The following PYHIN1 variants were observed in gnomAD, a reference collection of about 807,000 sequenced individuals.
The protein encoded by PYHIN1 is pyrin and HIN domain family member 1.
PYHIN1 carries 32 observed loss-of-function variants against 43.7 expected under a neutral mutation model. The observed-to-expected ratio is 0.73, with a 90% CI of 0.55 to 0.98. The LOEUF (loss-of-function observed/expected upper bound fraction) is 0.98, where lower values mean the gene tolerates loss of function less well. Among genes scored for constraint, PYHIN1 ranks in the 50% least tolerant of loss-of-function variants. The pLI is 0.00. For missense variants in PYHIN1, 588 were observed against 589.5 expected (o/e 1.00, Z 0.03); for synonymous variants, 205 against 203.1 (o/e 1.01, Z -0.08).
chr1:158,972,999 C>G (rs1651022251), intron 7 of PYHIN1, among the ~76,000 whole-genome samples: 1 of 152,078 alleles, frequency 6.6e-6, no homozygotes, highest in Non-Finnish European at 1.5e-5. Context: ...CTTTTACTTA[C>G]CAGTAAGTTG....
chr1:158,970,806 A>G (rs1650891286), intron 7 of PYHIN1, among the ~76,000 whole-genome samples: 1 of 152,032 alleles, frequency 6.6e-6, no homozygotes, highest in Non-Finnish European at 1.5e-5. Context: ...TCTGAAGTAA[A>G]GCTGTGTTTA....
At chr1:158,974,343 T>C (rs1367398104) in intron 8 of PYHIN1, among the ~76,000 whole-genome samples, 2 of 152,102 alleles carry the variant, frequency 1.3e-5, no homozygotes, top group Non-Finnish European at 2.9e-5. Context: ...CATTTCTCTT[T>C]ATTTTATTTA....
At chr1:158,952,287 G>C (rs1481210286) in intron 7 of PYHIN1, among the ~76,000 whole-genome samples, 2 of 151,894 alleles carry the variant, frequency 1.3e-5, no homozygotes, top group African/African-American at 4.8e-5. Flanking sequence ...GGATTTGTGA[G>C]CTTCCCCGCT....
chr1:158,952,433 G>A (rs1649601472), intron 7 of PYHIN1, among the ~76,000 whole-genome samples: 1 of 152,148 alleles, frequency 6.6e-6, no homozygotes. Context: ...TTACTGGGCA[G>A]GTGAACGGCT....
At position 158,944,904 on chromosome 1, in the gene PYHIN1, T is replaced by C. The variant is rs1475601120; in HGVS notation, c.1221T>C (p.His407=). 1 of 1,598,362 alleles carries C rather than the reference T, an allele frequency of 6.3e-7. No individual in the cohort carries two copies. The highest frequency in any genetic ancestry group is 1.7e-5 in the Admixed American group (1 of 57,562). ...AGAAAAATACAAACCAGAGAAGCCA[T>C]GACTCCAGGAGCATGGCACTACCCC... is the stretch of plus-strand genomic sequence containing the variant. ...QIQKNTNQRS[H]DSRSMALPQE... is the part of the protein sequence containing the mutation. Residue 407 remains histidine, a synonymous_variant, in exon 7 of 9, where the codon CAT becomes CAC. Coordinates refer to ENST00000368140, the MANE Select transcript of PYHIN1 (RefSeq NM_152501.5).
At chr1:158,985,724 G>A in the PYHIN1 span, among the ~76,000 whole-genome samples, 2 of 152,076 alleles carry the variant, frequency 1.3e-5, no homozygotes, top group African/African-American at 4.8e-5. Context: ...TAAATTTTCA[G>A]GGACAATATC....
rs114011253 is a variant in PYHIN1 at position 158,939,769 on chromosome 1, C to A, written c.579+522C>A. On this transcript the variant is annotated intron_variant, in intron 4 of 8. Coordinates refer to ENST00000368140, the MANE Select transcript of PYHIN1 (RefSeq NM_152501.5). The stretch of plus-strand genomic sequence containing the variant: ...TGTTCTGTTTCCTAGGAACTTCTTT[C>A]TTTTCTACTGTTTATGACAACTGAA... 2,824 of 532,452 alleles carry A rather than the reference C, an allele frequency of 5.3e-3. 51 individuals are homozygous for A. Among genetic ancestry groups the A allele is most frequent in the African/African-American group, 0.044 (2,362 of 53,102 alleles). The allele number at this position is 532,452 out of a possible 1,614,324, so 33.0% of individuals were successfully genotyped here.
rs373691590 is a variant in PYHIN1, at chr1:158,953,474, C to G, written c.1359+8432C>G. ...CCCCGAGCAGCCTAACTGGGAGGCA[C>G]CCCCCAGCAGGGGCACACTGACACC... On this transcript the variant is annotated intron_variant, in intron 7 of 8. Coordinates refer to ENST00000368140, the MANE Select transcript of PYHIN1 (RefSeq NM_152501.5). Among the ~76,000 whole-genome samples, 7 of 149,970 alleles carry G rather than the reference C, an allele frequency of 4.7e-5. 1 individual carries two copies. In the South Asian group the frequency reaches 1.1e-3, roughly 23 times the overall value.
At chr1:158,970,650 T>C (rs1360367303) in intron 7 of PYHIN1, among the ~76,000 whole-genome samples, 1 of 152,030 alleles carries the variant, frequency 6.6e-6, no homozygotes, top group Non-Finnish European at 1.5e-5. Context: ...TTTAATATTT[T>C]ACCCATACCT....
intron 6 of PYHIN1, 51 bp downstream of exon 6, chr1:158,944,029 C>A: frequency 1.3e-6 from 2 of 1,483,258 alleles, no homozygotes; most frequent in Non-Finnish European, 1.8e-6. Context: ...AAATCATTTG[C>A]TTTAAGTTTT....
Position 158,973,746 on chromosome 1 carries a change from C to A in PYHIN1, c.1459C>A (p.Arg487Ser), listed in dbSNP as rs375227792. ...TCTTTCTTCTGACACTTCCACCAAC[C>A]GCCATCCAGCAGTTCCTTAAATAAG... is the stretch of plus-strand genomic sequence containing the variant. ...PPLSSDTSTN[R>S]HPAVP The change falls in exon 8 of 9, where the codon CGC becomes AGC. Residue 487 changes from arginine (R) to serine (S), a missense_variant. Transcript: ENST00000368140. The A allele has an allele frequency of 7.4e-6, 12 of 1,613,064 alleles. No individual in the cohort carries two copies. The highest frequency in any genetic ancestry group is 5.3e-5 in the African/African-American group (4 of 74,956).
Position 158,943,869 on chromosome 1 carries a change from G to A in PYHIN1, c.1082G>A (p.Cys361Tyr). 6.2e-7 allele frequency: 1 copy of A among 1,610,602 alleles called. No individual in the cohort carries two copies. Among genetic ancestry groups the A allele is most frequent in the South Asian group, 1.1e-5 (1 of 90,718 alleles). ...GSMAVVGKGE[C>Y]HNIPCEKGDK... The stretch of plus-strand genomic sequence containing the variant: ...ATGGCTGTAGTAGGAAAAGGAGAAT[G>A]CCACAATATCCCCTGTGAAAAAGGA... Residue 361 changes from cysteine (C) to tyrosine (Y), a missense_variant, in exon 6 of 9, where the codon TGC (cysteine) becomes TAC (tyrosine). Cys to Tyr is a radical substitution (Grantham distance 194). Coordinates refer to ENST00000368140, the MANE Select transcript of PYHIN1 (RefSeq NM_152501.5).
At chr1:158,978,726 G>A (rs549244791), downstream of PYHIN1, among the ~76,000 whole-genome samples, 3 of 152,248 alleles carry the variant, frequency 2.0e-5, no homozygotes, top group Non-Finnish European at 4.4e-5. Context: ...GGACAGTCAT[G>A]TCTGTAAATG....
the PYHIN1 span, among the ~76,000 whole-genome samples, chr1:158,984,370 A>G: frequency 3.3e-5 from 5 of 152,038 alleles, no homozygotes; most frequent in Non-Finnish European, 7.4e-5. Flanking sequence ...AGTTTCAAAG[A>G]TTTCTTGATT....
chr1:158,964,432 T>G (rs1257592882), intron 7 of PYHIN1, among the ~76,000 whole-genome samples: 2 of 152,092 alleles, frequency 1.3e-5, no homozygotes, highest in Non-Finnish European at 2.9e-5. Flanking sequence ...TCATAAGCTT[T>G]TCCAAGGTCG....
At chr1:158,964,220 G>C (rs1350497493) in intron 7 of PYHIN1, among the ~76,000 whole-genome samples, 1 of 152,128 alleles carries the variant, frequency 6.6e-6, no homozygotes, top group Admixed American at 6.5e-5. Flanking sequence ...GAGAAAAATG[G>C]GATTATGTAA....
chr1:158,970,865 A>T (rs1247442125), intron 7 of PYHIN1, among the ~76,000 whole-genome samples: 1 of 152,054 alleles, frequency 6.6e-6, no homozygotes, highest in East Asian at 1.9e-4. Context: ...ATGAAGATAC[A>T]ACCTATATCT....
chr1:158,975,350 C>T (rs1039380504), intron 8 of PYHIN1, among the ~76,000 whole-genome samples: 2 of 151,982 alleles, frequency 1.3e-5, no homozygotes, highest in African/African-American at 4.8e-5. Context: ...AATCAAAGAG[C>T]CCAGAATGGT....
chr1:158,962,186 T>C (rs1239957059), intron 7 of PYHIN1, among the ~76,000 whole-genome samples: 1 of 152,180 alleles, frequency 6.6e-6, no homozygotes, highest in Admixed American at 6.5e-5. Flanking sequence ...CAGACTGTTT[T>C]ATACGTGGAT....
Sources: gnomAD v4.1 joint callset for allele counts (sites outside exome capture counted in the v4.1 genomes callset) on GRCh38, gnomAD v4.1.1 for gene constraint, MANE v1.5 for transcripts, NCBI Gene and HGNC (gene_info 2026-07-23, HGNC 2026-07-21) for gene names.